Variants in TDP1 observed in about 807,000 individuals in gnomAD.
TDP1 encodes tyr-DNA phosphodiesterase 1.
In TDP1, 64 loss-of-function variants were observed where a neutral mutation model predicts 81.5. The ratio of observed to expected loss-of-function variants is 0.79; its 90% CI spans 0.64 to 0.97. The LOEUF (loss-of-function observed/expected upper bound fraction) is 0.97, where lower values mean the gene tolerates loss of function less well. TDP1 is among the 50% of genes least tolerant of loss of function. The pLI is 0.00. For missense variants in TDP1, 723 were observed against 743.8 expected (o/e 0.97, Z 0.33); for synonymous variants, 256 against 264.3 (o/e 0.97, Z 0.30).
Position 90,039,549 on chromosome 14 carries a change from G to A in TDP1, c.1754-3521G>A, listed in dbSNP as rs36082963. ...GTGGAAAATGTATGTGTGGGTGTTCGGGCATGGGGGTGAGAGCAGAGTCAT... is the reference window on the plus strand; with the variant it reads ...GTGGAAAATGTATGTGTGGGTGTTCAGGCATGGGGGTGAGAGCAGAGTCAT... On this transcript the variant is annotated intron_variant, in intron 16 of 16. Coordinates refer to ENST00000335725, the MANE Select transcript of TDP1 (RefSeq NM_018319.4). Among the ~76,000 whole-genome samples the A allele has an allele frequency of 6.3e-3, 963 of 152,186 alleles. 11 individuals carry two copies. Among genetic ancestry groups the A allele is most frequent in the African/African-American group, 0.023 (936 of 41,516 alleles).
intron 16 of TDP1, among the ~76,000 whole-genome samples, chr14:90,034,583 G>C (rs192345001): frequency 1.3e-5 from 2 of 152,048 alleles, no homozygotes; most frequent in Non-Finnish European, 2.9e-5. Flanking sequence ...CTTTAAGGTG[G>C]GTCCACACTT....
intron 15 of TDP1, among the ~76,000 whole-genome samples, chr14:90,030,555 A>G (rs540761738): frequency 1.6e-4 from 25 of 152,158 alleles, no homozygotes; most frequent in Non-Finnish European, 3.1e-4. Flanking sequence ...GCTGTAACCC[A>G]TACCTTTCTG....
chr14:90,033,012 C>A, intron 15 of TDP1, 94 bp from the exon 16 acceptor site: 2 of 1,171,000 alleles, frequency 1.7e-6, no homozygotes, highest in Non-Finnish European at 2.5e-6. Flanking sequence ...ATTTAGGTAC[C>A]ATAAAGATAT....
intron 14 of TDP1, among the ~76,000 whole-genome samples, chr14:90,016,743 G>A (rs8003210): frequency 0.15 from 23,459 of 151,892 alleles, 3,951 homozygotes; most frequent in African/African-American, 0.42. Context: ...ACACACATAT[G>A]TATACAATTT....
chr14:89,979,311 A>G (rs1279570350), intron 7 of TDP1, among the ~76,000 whole-genome samples: 1 of 151,592 alleles, frequency 6.6e-6, no homozygotes, highest in East Asian at 1.9e-4. Flanking sequence ...CACATTTAAC[A>G]ATTTTTTTTT....
At chr14:89,979,353 A>G (rs1211357633) in intron 7 of TDP1, among the ~76,000 whole-genome samples, 1 of 151,192 alleles carries the variant, frequency 6.6e-6, no homozygotes, top group Non-Finnish European at 1.5e-5. Flanking sequence ...TCTGTCACCC[A>G]GGCTGGAGTG....
chr14:90,028,188 T>G (rs1886873778), intron 15 of TDP1, among the ~76,000 whole-genome samples: 1 of 152,244 alleles, frequency 6.6e-6, no homozygotes, highest in Non-Finnish European at 1.5e-5. Context: ...GCAGGAAAGA[T>G]GCCACCACCT....
chr14:89,979,332 CAG>C (rs1299165836), intron 7 of TDP1, among the ~76,000 whole-genome samples: 6 of 148,878 alleles, frequency 4.0e-5, no homozygotes, highest in Non-Finnish European at 7.4e-5. Context: ...TTTTTTGAGA[CAG>C]AGTTTCACTC....
chr14:90,009,499 T>C (rs938245575), intron 14 of TDP1, among the ~76,000 whole-genome samples: 4 of 152,210 alleles, frequency 2.6e-5, no homozygotes, highest in African/African-American at 7.2e-5. Flanking sequence ...GAAGTTTCCA[T>C]TGGATATGGC....
At position 90,044,480 on chromosome 14, in the gene TDP1, G is replaced by C. The variant is rs993118760; in HGVS notation, c.*1337G>C. 2.6e-5 allele frequency: 4 copies of C among 152,208 alleles called. No homozygotes were observed. Among genetic ancestry groups the C allele is most frequent in the Non-Finnish European group, 4.4e-5 (3 of 68,052 alleles). The allele number at this position is 152,208 out of a possible 1,614,324, so 9.4% of individuals were successfully genotyped here. A position where few individuals can be genotyped will look rare whatever the true frequency, so the allele number is the denominator to read the frequency against. The stretch of plus-strand genomic sequence containing the variant: ...CCTCTTTATCTTATAATTTAGGATA[G>C]AGTTGAACGTTAGTCTTGAAAGATT... On this transcript the variant is annotated 3_prime_UTR_variant, in exon 17 of 17. Coordinates refer to ENST00000335725, the MANE Select transcript of TDP1 (RefSeq NM_018319.4).
At chr14:89,955,460 T>A (rs1375704806), upstream of TDP1, 1 of 152,232 alleles carries the variant, frequency 6.6e-6, no homozygotes, top group Non-Finnish European at 1.5e-5. Flanking sequence ...AGAACGCAAC[T>A]GTTGCGAAGA....
Position 89,963,304 on chromosome 14 carries a change from A to G in TDP1, c.190A>G (p.Lys64Glu), listed in dbSNP as rs1226368396. The G allele has an allele frequency of 1.2e-6, 2 of 1,614,236 alleles. No individual in the cohort carries two copies. Among genetic ancestry groups the G allele is most frequent in the Admixed American group, 3.3e-5 (2 of 60,028 alleles). The stretch of plus-strand genomic sequence containing the variant: ...ACACAAGAGGAAAATATCACCTGTG[A>G]AATTCAGCAATACAGATTCAGTTTT... ...AAHKRKISPV[K>E]FSNTDSVLPP... The change falls in exon 3 of 17, where the codon AAA becomes GAA. Residue 64 changes from lysine to glutamate, a missense_variant. By Grantham distance (56) the Lys-to-Glu change is moderately conservative. Coordinates refer to ENST00000335725, the MANE Select transcript of TDP1 (RefSeq NM_018319.4).
At chr14:89,980,512 G>A in intron 7 of TDP1, 28 bp from the exon 8 acceptor site, 4 of 1,597,324 alleles carry the variant, frequency 2.5e-6, no homozygotes, top group Non-Finnish European at 3.4e-6. Flanking sequence ...TACTATTAAT[G>A]CTTTTTGATC....
chr14:89,985,291 G>T (rs928815899), intron 10 of TDP1, 81 bp downstream of exon 10: 2 of 803,430 alleles, frequency 2.5e-6, no homozygotes, highest in South Asian at 3.4e-5. Context: ...ATATTTTGAT[G>T]CAGCTTCACA....
chr14:89,982,794 C>T lies in TDP1; in HGVS notation c.885-1722C>T, dbSNP rs112578773. On this transcript the variant is annotated intron_variant, in intron 8 of 16. Coordinates refer to ENST00000335725, the MANE Select transcript of TDP1 (RefSeq NM_018319.4). Reference sequence around the variant, plus strand: ...TGGGATCCTATTATTTCATGCTTGGCCTATATTCTACTCTCTAATGTTTTG... The same window carrying T: ...TGGGATCCTATTATTTCATGCTTGGTCTATATTCTACTCTCTAATGTTTTG... Among the ~76,000 whole-genome samples, 906 of 152,224 alleles carry T rather than the reference C, an allele frequency of 6.0e-3. 6 individuals are homozygous for T. The highest frequency in any genetic ancestry group is 0.021 in the African/African-American group (869 of 41,530).
chr14:89,966,638 T>C (rs1176472103), intron 4 of TDP1, among the ~76,000 whole-genome samples: 2 of 152,206 alleles, frequency 1.3e-5, no homozygotes, highest in Non-Finnish European at 2.9e-5. Flanking sequence ...CCCTTTGTCT[T>C]GATAAATCAT....
intron 14 of TDP1, among the ~76,000 whole-genome samples, chr14:90,016,573 T>C (rs1313260810): frequency 6.6e-6 from 1 of 152,238 alleles, no homozygotes; most frequent in Non-Finnish European, 1.5e-5. Flanking sequence ...TGCCTGTGGC[T>C]CCAGCTAGTT....
At chr14:90,041,428 G>A (rs552876220) in intron 16 of TDP1, among the ~76,000 whole-genome samples, 2 of 152,360 alleles carry the variant, frequency 1.3e-5, no homozygotes, top group East Asian at 3.9e-4. Context: ...GCGTTCTGAT[G>A]ATTTGCTGCC....
chr14:89,976,178 T>A (rs1282201445), intron 7 of TDP1, among the ~76,000 whole-genome samples: 1 of 152,024 alleles, frequency 6.6e-6, no homozygotes, highest in Non-Finnish European at 1.5e-5. Context: ...TGATCACAGC[T>A]CACTGCAGCC....
Sources: gnomAD v4.1 joint callset for allele counts (sites outside exome capture counted in the v4.1 genomes callset) on GRCh38, gnomAD v4.1.1 for gene constraint, MANE v1.5 for transcripts, NCBI Gene and HGNC (gene_info 2026-07-23, HGNC 2026-07-21) for gene names.